CIMIP2C: variants seen among roughly 807,000 people sequenced by gnomAD.
CIMIP2C encodes the protein UPF0573 protein C2orf70.
chr2:26,562,692 G>C, the CIMIP2C span: 6 of 1,563,486 alleles, frequency 3.8e-6, no homozygotes, highest in Non-Finnish European at 5.2e-6. Flanking sequence ...CCCGGGTAAG[G>C]CCGAGGGAGC....
the CIMIP2C span, among the ~76,000 whole-genome samples, chr2:26,571,313 C>T: frequency 3.3e-5 from 5 of 152,274 alleles, no homozygotes; most frequent in South Asian, 1.0e-3. Flanking sequence ...AAAGCCTCAC[C>T]CCAGTGGACA....
At chr2:26,571,984 T>C in the CIMIP2C span, 1 of 830,406 alleles carries the variant, frequency 1.2e-6, no homozygotes, top group Non-Finnish European at 1.7e-6. Flanking sequence ...AGATTTGAGA[T>C]AAGTGTTAAT....
the CIMIP2C span, among the ~76,000 whole-genome samples, chr2:26,574,775 G>A: frequency 0.018 from 2,674 of 152,356 alleles, 82 homozygotes; most frequent in African/African-American, 0.061. Context: ...CAACAGCAGC[G>A]TTTCAGGAAG....
chr2:26,570,864 G>A, the CIMIP2C span, among the ~76,000 whole-genome samples: 7 of 152,210 alleles, frequency 4.6e-5, no homozygotes, highest in South Asian at 1.4e-3. Flanking sequence ...AGGGAGGCTC[G>A]CAGCAGTGGG....
At chr2:26,577,617 C>T in the CIMIP2C span, 3 of 1,613,252 alleles carry the variant, frequency 1.9e-6, no homozygotes, top group Non-Finnish European at 2.5e-6. Context: ...GGTACCCCCT[C>T]CCCACCGTCC....
chr2:26,563,261 C>T, the CIMIP2C span, among the ~76,000 whole-genome samples: 1 of 152,380 alleles, frequency 6.6e-6, no homozygotes, highest in South Asian at 2.1e-4. Flanking sequence ...CCTTTATCCT[C>T]CCAGAAGTTT....
At chr2:26,579,230 G>A in the CIMIP2C span, 1 of 1,586,822 alleles carries the variant, frequency 6.3e-7, no homozygotes, top group African/African-American at 1.4e-5. Context: ...GGGGCTGTGG[G>A]TGGGCACGCA....
the CIMIP2C span, chr2:26,576,327 T>C: frequency 1.9e-5 from 19 of 1,005,106 alleles, no homozygotes; most frequent in South Asian, 3.0e-4. Context: ...GCAGAGAGCA[T>C]GGTGGGCTTG....
At chr2:26,574,392 C>T in the CIMIP2C span, among the ~76,000 whole-genome samples, 7 of 151,340 alleles carry the variant, frequency 4.6e-5, no homozygotes, top group East Asian at 7.8e-4. Context: ...GACTTGGTGA[C>T]TGACTAGATG....
chr2:26,570,409 A>G, the CIMIP2C span, among the ~76,000 whole-genome samples: 226 of 152,370 alleles, frequency 1.5e-3, no homozygotes, highest in Non-Finnish European at 2.3e-3. Context: ...TGCCTCCTCC[A>G]GTGAACATTT....
the CIMIP2C span, among the ~76,000 whole-genome samples, chr2:26,574,457 C>T: frequency 2.0e-5 from 3 of 147,786 alleles, no homozygotes; most frequent in African/African-American, 7.6e-5. Flanking sequence ...GAAATTTTCA[C>T]AGAGATGGGA....
chr2:26,575,774 T>G, the CIMIP2C span: 3 of 1,186,640 alleles, frequency 2.5e-6, no homozygotes, highest in Non-Finnish European at 3.5e-6. Context: ...TCTTCCCTCC[T>G]CAGCTTTCCA....
the CIMIP2C span, among the ~76,000 whole-genome samples, chr2:26,569,619 A>C: frequency 9.8e-5 from 15 of 152,304 alleles, no homozygotes; most frequent in Middle Eastern, 0.014. Flanking sequence ...GGGGCCAAGC[A>C]GTGCTATTAA....
At chr2:26,575,456 C>T in the CIMIP2C span, among the ~76,000 whole-genome samples, 6 of 152,238 alleles carry the variant, frequency 3.9e-5, no homozygotes, top group Non-Finnish European at 5.9e-5. Context: ...AGTGATTTGC[C>T]TACAGCATTG....
the CIMIP2C span, among the ~76,000 whole-genome samples, chr2:26,572,630 A>G: frequency 2.6e-5 from 4 of 152,106 alleles, no homozygotes; most frequent in African/African-American, 9.7e-5. Flanking sequence ...TCCATTCCCT[A>G]CATTCTGAAC....
chr2:26,574,246 G>A, the CIMIP2C span, among the ~76,000 whole-genome samples: 147 of 152,314 alleles, frequency 9.7e-4, no homozygotes, highest in African/African-American at 3.4e-3. Context: ...ATCTGACTCT[G>A]GACTAAAGTT....
chr2:26,577,609 T>C, the CIMIP2C span: 1 of 1,613,846 alleles, frequency 6.2e-7, no homozygotes, highest in South Asian at 1.1e-5. Context: ...GCCGGAACGG[T>C]ACCCCCTCCC....
At chr2:26,579,011 C>T in the CIMIP2C span, 1 of 521,000 alleles carries the variant, frequency 1.9e-6, no homozygotes, top group Middle Eastern at 2.9e-4. Flanking sequence ...AGGGGGATAC[C>T]ACCACTGGGC....
chr2:26,563,053 G>A, the CIMIP2C span: 1 of 257,326 alleles, frequency 3.9e-6, no homozygotes, highest in Non-Finnish European at 7.4e-6. Flanking sequence ...GAGAAAATGC[G>A]AGAAAATCAG....
Sources: allele counts gnomAD v4.1 joint callset (sites outside exome capture counted in the v4.1 genomes callset), GRCh38; gene constraint gnomAD v4.1.1; transcripts MANE v1.5; gene names NCBI Gene and HGNC (gene_info 2026-07-23, HGNC 2026-07-21).